The following RAB2A variants were observed in gnomAD, a reference collection of about 807,000 sequenced individuals.
RAB2A encodes ras-related protein Rab-2A.
RAB2A carries 7 observed loss-of-function variants against 32.5 expected under a neutral mutation model. The observed-to-expected ratio is 0.22, with a 90% CI of 0.12 to 0.40. The LOEUF is 0.40. Among genes scored for constraint, RAB2A ranks in the 10% least tolerant of loss-of-function variants. The pLI is 1.00. For missense variants in RAB2A, 108 were observed against 260.7 expected, an observed-to-expected ratio of 0.41 and a Z score of 4.03; for synonymous variants, 79 against 85.2, an observed-to-expected ratio of 0.93 and a Z score of 0.40.
intron 1 of RAB2A, among the ~76,000 whole-genome samples, chr8:60,554,368 C>G (rs768837079): frequency 6.6e-6 from 1 of 152,084 alleles, no homozygotes; most frequent in Non-Finnish European, 1.5e-5. Flanking sequence ...AGGATGATTC[C>G]AGGTTTCTTT....
intron 2 of RAB2A, among the ~76,000 whole-genome samples, chr8:60,563,025 T>C (rs941021558): frequency 1.2e-4 from 17 of 146,216 alleles, no homozygotes; most frequent in Non-Finnish European, 2.6e-4. Context: ...AAAAAAAAAA[T>C]AGCAGATTAT....
At chr8:60,547,672 T>G (rs1807759669) in intron 1 of RAB2A, among the ~76,000 whole-genome samples, 2 of 118,000 alleles carry the variant, frequency 1.7e-5, no homozygotes, top group African/African-American at 3.1e-5. Flanking sequence ...CCCACCTCCC[T>G]CCCGGACGGG....
intron 1 of RAB2A, chr8:60,551,983 C>CCT: frequency 7.0e-6 from 1 of 142,284 alleles, no homozygotes; most frequent in South Asian, 2.3e-4. Context: ...CATGCCTCAG[C>CCT]CTCTTGAGTA....
intron 1 of RAB2A, among the ~76,000 whole-genome samples, chr8:60,531,302 T>C (rs1404867579): frequency 6.6e-6 from 1 of 152,214 alleles, no homozygotes; most frequent in Non-Finnish European, 1.5e-5. Context: ...TCCGAGAGCC[T>C]GGTATTTGTA....
intron 6 of RAB2A, among the ~76,000 whole-genome samples, chr8:60,599,590 C>T (rs527942053): frequency 1.3e-5 from 2 of 152,202 alleles, no homozygotes; most frequent in East Asian, 3.9e-4. Flanking sequence ...ACACATAGAT[C>T]AATGGAACAG....
chr8:60,519,908 T>C (rs1232622355), intron 1 of RAB2A, among the ~76,000 whole-genome samples: 1 of 152,184 alleles, frequency 6.6e-6, no homozygotes, highest in Non-Finnish European at 1.5e-5. Context: ...CTTTACCATA[T>C]TTCTTTAATG....
chr8:60,548,599 G>A (rs1807784335), intron 1 of RAB2A, among the ~76,000 whole-genome samples: 1 of 141,664 alleles, frequency 7.1e-6, no homozygotes, highest in Non-Finnish European at 1.5e-5. Context: ...CCAGGCAGAG[G>A]CGCCCCTCAC....
At chr8:60,580,789 AT>A (rs1377570939) in intron 3 of RAB2A, among the ~76,000 whole-genome samples, 1 of 152,082 alleles carries the variant, frequency 6.6e-6, no homozygotes, top group Non-Finnish European at 1.5e-5. Context: ...TCCTAAATTT[AT>A]TTTGTCTTTT....
intron 1 of RAB2A, among the ~76,000 whole-genome samples, chr8:60,555,025 A>T (rs1204688649): frequency 6.6e-6 from 1 of 152,230 alleles, no homozygotes; most frequent in Non-Finnish European, 1.5e-5. Context: ...CATCAAGGAG[A>T]TAATTGTAGC....
At chr8:60,526,033 A>G (rs1274241566) in intron 1 of RAB2A, among the ~76,000 whole-genome samples, 1 of 109,870 alleles carries the variant, frequency 9.1e-6, no homozygotes, top group African/African-American at 4.2e-5. Context: ...ATATATATAT[A>G]TATATATATA....
At chr8:60,545,309 A>T (rs1253034086) in intron 1 of RAB2A, among the ~76,000 whole-genome samples, 2 of 151,792 alleles carry the variant, frequency 1.3e-5, no homozygotes, top group Admixed American at 6.6e-5. Context: ...CCTTTTTTTT[A>T]ATTTTTATTT....
chr8:60,589,578 G>GT (rs1220118920), intron 5 of RAB2A, among the ~76,000 whole-genome samples: 1 of 152,000 alleles, frequency 6.6e-6, no homozygotes, highest in African/African-American at 2.4e-5. Flanking sequence ...AAAAATGAAA[G>GT]TTTTTTAATA....
intron 1 of RAB2A, among the ~76,000 whole-genome samples, chr8:60,526,955 C>G (rs565052726): frequency 7.8e-6 from 1 of 127,790 alleles, no homozygotes; most frequent in South Asian, 2.5e-4. Context: ...GGCGACAGTG[C>G]GAGACTCCAT....
At chr8:60,589,292 A>T (rs1446823764) in intron 5 of RAB2A, among the ~76,000 whole-genome samples, 1 of 152,236 alleles carries the variant, frequency 6.6e-6, no homozygotes, top group Non-Finnish European at 1.5e-5. Context: ...TGTAAACGAG[A>T]TGTTTCTGAT....
intron 2 of RAB2A, among the ~76,000 whole-genome samples, chr8:60,564,254 A>T (rs1808070663): frequency 6.6e-6 from 1 of 152,126 alleles, no homozygotes; most frequent in Non-Finnish European, 1.5e-5. Context: ...CACTGCATTG[A>T]CCCACCTACC....
intron 2 of RAB2A, among the ~76,000 whole-genome samples, chr8:60,563,065 A>C (rs1228418784): frequency 2.6e-5 from 4 of 152,218 alleles, no homozygotes; most frequent in African/African-American, 9.7e-5. Context: ...GAACATTAGA[A>C]TTTTTGGTAA....
intron 1 of RAB2A, among the ~76,000 whole-genome samples, chr8:60,539,204 C>G (rs1309066887): frequency 6.6e-6 from 1 of 152,130 alleles, no homozygotes; most frequent in Non-Finnish European, 1.5e-5. Flanking sequence ...GTTACTGCTC[C>G]TGAGGAGTAA....
At chr8:60,535,517 T>G (rs892553849) in intron 1 of RAB2A, among the ~76,000 whole-genome samples, 3 of 152,214 alleles carry the variant, frequency 2.0e-5, no homozygotes, top group Admixed American at 2.0e-4. Context: ...TCACCACATA[T>G]AAATCTCTCA....
intron 5 of RAB2A, among the ~76,000 whole-genome samples, chr8:60,588,343 C>T (rs1214997697): frequency 6.6e-6 from 1 of 152,072 alleles, no homozygotes; most frequent in Non-Finnish European, 1.5e-5. Flanking sequence ...AGATGTTTAC[C>T]CAACATAAAT....
Sources: allele counts gnomAD v4.1 joint callset (sites outside exome capture counted in the v4.1 genomes callset), GRCh38; gene constraint gnomAD v4.1.1; transcripts MANE v1.5; gene names NCBI Gene and HGNC (gene_info 2026-07-23, HGNC 2026-07-21).